Variants in TDRD3 observed in about 807,000 individuals in gnomAD.
TDRD3 encodes tudor domain containing 3, also known as tudor domain-containing protein 3.
Under a neutral mutation model 86.7 loss-of-function variants are expected in TDRD3, and 45 were observed. The observed-to-expected ratio is 0.52, with a 90% CI of 0.41 to 0.67. The LOEUF (loss-of-function observed/expected upper bound fraction) is 0.67, where lower values mean the gene tolerates loss of function less well. TDRD3 is among the 30% of genes least tolerant of loss of function. The pLI, the probability that TDRD3 is intolerant of heterozygous loss-of-function variation, is 0.00. For missense variants in TDRD3, 814 were observed against 889.0 expected, an observed-to-expected ratio of 0.92 and a Z score of 1.07; for synonymous variants, 298 against 301.7, an observed-to-expected ratio of 0.99 and a Z score of 0.13.
At chr13:60,437,841 T>C (rs1955157847) in intron 1 of TDRD3, among the ~76,000 whole-genome samples, 1 of 152,042 alleles carries the variant, frequency 6.6e-6, no homozygotes, top group Admixed American at 6.6e-5. Context: ...CTAAAATTGG[T>C]CTCAACCTAT....
Position 60,528,794 on chromosome 13 carries a change from A to C in TDRD3, c.1569A>C (p.Gln523His), listed in dbSNP as rs745686943. 2 of 1,613,898 alleles carry C rather than the reference A, an allele frequency of 1.2e-6. No individual in the cohort carries two copies. The highest frequency in any genetic ancestry group is 1.7e-6 in the Non-Finnish European group (2 of 1,179,916). The change falls in exon 11 of 14, where the codon CAA becomes CAC. Residue 523 changes from glutamine (Q) to histidine (H), a missense_variant. Transcript: ENST00000377881. ...AGGCAAAAGAAAATCCACTTCCTCA[A>C]GGATCTGTAGATTATAATAATCAAA... is the stretch of plus-strand genomic sequence containing the variant. ...FAEAKENPLP[Q>H]GSVDYNNQKR...
At chr13:60,455,897 T>C (rs1448225837) in intron 3 of TDRD3, among the ~76,000 whole-genome samples, 1 of 151,874 alleles carries the variant, frequency 6.6e-6, no homozygotes, top group Non-Finnish European at 1.5e-5. Context: ...GTGAAACCCA[T>C]CTCTACTAAA....
intron 8 of TDRD3, among the ~76,000 whole-genome samples, chr13:60,506,079 A>T (rs1305325263): frequency 6.6e-6 from 1 of 152,166 alleles, no homozygotes; most frequent in African/African-American, 2.4e-5. Flanking sequence ...ACACATAATC[A>T]TCAGATTCAC....
At chr13:60,571,819 A>C (rs1566316581) in intron 13 of TDRD3, among the ~76,000 whole-genome samples, 2 of 152,158 alleles carry the variant, frequency 1.3e-5, no homozygotes, top group Non-Finnish European at 2.9e-5. Context: ...CTTCAGTGAC[A>C]GAGCAGGAGA....
At chr13:60,463,196 A>G (rs1955839103) in intron 4 of TDRD3, among the ~76,000 whole-genome samples, 1 of 152,038 alleles carries the variant, frequency 6.6e-6, no homozygotes, top group African/African-American at 2.4e-5. Context: ...CAAGAGTTCA[A>G]GACTAGCTGG....
intron 5 of TDRD3, among the ~76,000 whole-genome samples, chr13:60,471,995 A>G (rs1252004815): frequency 7.2e-5 from 11 of 152,038 alleles, no homozygotes; most frequent in African/African-American, 2.2e-4. Flanking sequence ...ATATGATGTT[A>G]GTGGTGGGTT....
chr13:60,509,741 C>T, intron 8 of TDRD3, 22 bp from the exon 9 acceptor site: 1 of 1,613,180 alleles, frequency 6.2e-7, no homozygotes, highest in South Asian at 1.1e-5. Flanking sequence ...TATCAGCCAG[C>T]TTTTCTCTTT....
At chr13:60,525,086 CAA>C (rs372010456) in intron 10 of TDRD3, among the ~76,000 whole-genome samples, 6 of 39,742 alleles carry the variant, frequency 1.5e-4, no homozygotes, top group Admixed American at 8.9e-4. Context: ...AATTTTCTCT[CAA>C]AAAAAAAAAA....
intron 5 of TDRD3, among the ~76,000 whole-genome samples, chr13:60,481,774 G>A (rs1210283623): frequency 6.6e-6 from 1 of 152,078 alleles, no homozygotes; most frequent in Non-Finnish European, 1.5e-5. Flanking sequence ...TTTCTGTCTT[G>A]ACATGCCTTG....
rs1236242036 is a variant in TDRD3 at position 60,494,535 on chromosome 13, C to A, written c.818C>A (p.Thr273Asn). ...GAAGTTTTACAGAAAGAAAAGTCAA[C>A]CAAATCAGAGGGAAAACATGAAGGT... ...NREVLQKEKSTKSEGKHEGVY... is the reference protein window; with the variant it reads ...NREVLQKEKSNKSEGKHEGVY... Residue 273 changes from threonine to asparagine, a missense_variant, in exon 8 of 14, where the codon ACC becomes AAC. Transcript: ENST00000377881. 8 of 1,613,444 alleles carry A rather than the reference C, an allele frequency of 5.0e-6. No homozygotes were observed.
chr13:60,487,757 C>CG (rs1956479555), intron 7 of TDRD3, among the ~76,000 whole-genome samples: 3 of 152,188 alleles, frequency 2.0e-5, no homozygotes, highest in Non-Finnish European at 4.4e-5. Flanking sequence ...CTTTGACCCA[C>CG]TGCTTTCCTT....
chr13:60,452,208 A>G (rs1054221031), intron 3 of TDRD3, among the ~76,000 whole-genome samples: 2 of 152,102 alleles, frequency 1.3e-5, no homozygotes, highest in Non-Finnish European at 1.5e-5. Context: ...AAGTTTTATA[A>G]TTTATTGGAA....
At chr13:60,520,494 A>G (rs1159843867) in intron 10 of TDRD3, among the ~76,000 whole-genome samples, 1 of 152,142 alleles carries the variant, frequency 6.6e-6, no homozygotes. Context: ...ATTAGGGCTC[A>G]CCTAAACCCC....
chr13:60,457,873 G>GA (rs1406000147), intron 3 of TDRD3, among the ~76,000 whole-genome samples: 1 of 152,110 alleles, frequency 6.6e-6, no homozygotes, highest in Non-Finnish European at 1.5e-5. Context: ...CTCTGTCTGT[G>GA]TTTGTTTCCC....
At chr13:60,404,299 T>G (rs1049164709) in intron 1 of TDRD3, among the ~76,000 whole-genome samples, 12 of 151,712 alleles carry the variant, frequency 7.9e-5, no homozygotes, top group Non-Finnish European at 1.3e-4. Flanking sequence ...GTTGTTGTTG[T>G]TGGTTTGTTT....
chr13:60,408,660 G>A (rs1954289821), intron 1 of TDRD3, among the ~76,000 whole-genome samples: 1 of 152,182 alleles, frequency 6.6e-6, no homozygotes, highest in Non-Finnish European at 1.5e-5. Context: ...ATGATTTAAG[G>A]TATCTAGCAG....
At chr13:60,488,101 G>C (rs1956488695) in intron 7 of TDRD3, among the ~76,000 whole-genome samples, 1 of 152,162 alleles carries the variant, frequency 6.6e-6, no homozygotes, top group African/African-American at 2.4e-5. Flanking sequence ...GTGTTGCCAG[G>C]AAAGAAGGCT....
At position 60,554,139 on chromosome 13, in the gene TDRD3, T is replaced by C. The variant is rs554312766; in HGVS notation, c.2119-13386T>C. 2.0e-5 allele frequency among the ~76,000 whole-genome samples: 3 copies of C among 152,356 alleles called. No individual in the cohort carries two copies. In the East Asian group the frequency reaches 5.8e-4, roughly 29 times the overall value. On this transcript the variant is annotated intron_variant, in intron 12 of 13. Transcript: ENST00000377881. ...TGGCATAAAGTTTTTCAGCCAGTCC[T>C]GCTGTCAGTGTACCTGCTGCTTGAC...
intron 7 of TDRD3, 43 bp from the exon 8 acceptor site, chr13:60,494,392 A>G (rs1956666946): frequency 1.4e-6 from 2 of 1,479,806 alleles, no homozygotes; most frequent in African/African-American, 2.8e-5. Flanking sequence ...CTATTTTTAA[A>G]TGCTGTCTAC....
Sources: gnomAD v4.1 joint callset for allele counts (sites outside exome capture counted in the v4.1 genomes callset) on GRCh38, gnomAD v4.1.1 for gene constraint, MANE v1.5 for transcripts, NCBI Gene and HGNC (gene_info 2026-07-23, HGNC 2026-07-21) for gene names.